FBXO40: variants seen among roughly 807,000 people sequenced by gnomAD.
FBXO40 encodes the protein F-box protein 40.
FBXO40 carries 50 observed loss-of-function variants against 49.9 expected under a neutral mutation model. The ratio of observed to expected loss-of-function variants is 1.00; its 90% CI spans 0.80 to 1.27. FBXO40 has a LOEUF of 1.27. Among genes scored for constraint, FBXO40 ranks in the 50% most tolerant of loss-of-function variants. The pLI is 0.00. For missense variants in FBXO40, 895 were observed against 870.1 expected (o/e 1.03, Z -0.36); for synonymous variants, 340 against 320.2 (o/e 1.06, Z -0.66).
intron 1 of FBXO40, among the ~76,000 whole-genome samples, chr3:121,610,029 T>C (rs989691923): frequency 6.6e-6 from 1 of 152,236 alleles, no homozygotes; most frequent in Non-Finnish European, 1.5e-5. Flanking sequence ...TGGGCCATTA[T>C]GGGTTCAGGA....
Position 121,622,941 on chromosome 3 carries a change from T to C in FBXO40, c.1512T>C (p.Asn504=), listed in dbSNP as rs184189985. 2 of 1,614,242 alleles carry C rather than the reference T, an allele frequency of 1.2e-6. No individual in the cohort carries two copies. The highest frequency in any genetic ancestry group is 1.3e-5 in the African/African-American group (1 of 75,068). ...ACACAGACATTCAGTCATGTCTCAA[T>C]GGCTGGTTCCAGCATCGATGCCCCC... ...NVHTDIQSCL[N]GWFQHRCPLA... Residue 504 remains asparagine, a synonymous_variant, in exon 3 of 4, where the codon AAT becomes AAC. Transcript: ENST00000338040.
intron 1 of FBXO40, among the ~76,000 whole-genome samples, chr3:121,617,852 T>C (rs1010113612): frequency 7.9e-5 from 12 of 151,958 alleles, no homozygotes; most frequent in Non-Finnish European, 1.2e-4. Flanking sequence ...ACACAAAAAT[T>C]AGCCAGGTGT....
At chr3:121,611,796 T>G (rs1345254668) in intron 1 of FBXO40, among the ~76,000 whole-genome samples, 4 of 152,266 alleles carry the variant, frequency 2.6e-5, no homozygotes, top group African/African-American at 7.2e-5. Flanking sequence ...CTTTCCGCAG[T>G]GCATCGTGCC....
Position 121,609,611 on chromosome 3 carries a change from C to T in FBXO40, c.-30-10935C>T, listed in dbSNP as rs147887627. ...GTGCAGAAAAATGCATCCTTATCTT[C>T]CTTTTTTCTCTCCTCAGGGGAGAGG... On this transcript the variant is annotated intron_variant, in intron 1 of 3. Transcript: ENST00000338040. Among the ~76,000 whole-genome samples, 17 of 152,246 alleles carry T rather than the reference C, an allele frequency of 1.1e-4. No individual in the cohort carries two copies. The East Asian group carries it at 2.9e-3, about 26-fold the overall frequency.
chr3:121,611,266 G>A (rs1227887236), intron 1 of FBXO40, among the ~76,000 whole-genome samples: 1 of 152,148 alleles, frequency 6.6e-6, no homozygotes, highest in East Asian at 1.9e-4. Context: ...ACCGGTCTCT[G>A]AGTTCCCTCA....
chr3:121,597,056 G>A (rs764169219), intron 1 of FBXO40, among the ~76,000 whole-genome samples: 6 of 152,072 alleles, frequency 3.9e-5, no homozygotes, highest in Non-Finnish European at 1.5e-5. Context: ...CACACACCTC[G>A]CTGGCGACAA....
At chr3:121,596,625 G>T (rs535115449) in intron 1 of FBXO40, among the ~76,000 whole-genome samples, 1 of 152,168 alleles carries the variant, frequency 6.6e-6, no homozygotes, top group Admixed American at 6.5e-5. Flanking sequence ...CGGATTCTGT[G>T]CCTGTCAAGT....
At chr3:121,619,763 T>G (rs1213712992) in intron 1 of FBXO40, among the ~76,000 whole-genome samples, 1 of 152,148 alleles carries the variant, frequency 6.6e-6, no homozygotes, top group Non-Finnish European at 1.5e-5. Flanking sequence ...TTTCCCAAAG[T>G]CTCACAGCCA....
intron 3 of FBXO40, among the ~76,000 whole-genome samples, chr3:121,623,641 A>G (rs567795436): frequency 4.0e-5 from 6 of 151,598 alleles, no homozygotes; most frequent in African/African-American, 1.5e-4. Flanking sequence ...TGCTGAAATT[A>G]CAGGTGTGAG....
chr3:121,594,748 T>C (rs2108842623), intron 1 of FBXO40, among the ~76,000 whole-genome samples: 1 of 152,284 alleles, frequency 6.6e-6, no homozygotes, highest in Middle Eastern at 3.4e-3. Flanking sequence ...CCAAAATGCA[T>C]CCATGAAATA....
In FBXO40 at chr3:121,622,988, T is replaced by C. The variant is rs752921762; in HGVS notation, c.1559T>C (p.Phe520Ser). The change falls in exon 3 of 4, where the codon TTT becomes TCT. Residue 520 changes from phenylalanine to serine, a missense_variant. Physicochemically the swap from Phe to Ser is radical, Grantham distance 155. Coordinates refer to ENST00000338040, the MANE Select transcript of FBXO40 (RefSeq NM_016298.4). ...RCPLAYLGCT[F>S]VQNHFRPPGQ... ...CCCCTCGCCTACTTGGGATGTACATTTGTTCAAAACCATTTCCGTCCCCCA... is the reference window on the plus strand; with the variant it reads ...CCCCTCGCCTACTTGGGATGTACATCTGTTCAAAACCATTTCCGTCCCCCA... 1 of 1,614,230 alleles carries C rather than the reference T, an allele frequency of 6.2e-7. No individual in the cohort carries two copies. The highest frequency in any genetic ancestry group is 2.2e-5 in the East Asian group (1 of 44,888).
intron 3 of FBXO40, among the ~76,000 whole-genome samples, chr3:121,624,297 G>C (rs534562366): frequency 2.0e-5 from 3 of 152,220 alleles, no homozygotes. Flanking sequence ...GCCTTAAAGA[G>C]CTTTTTATGT....
chr3:121,611,372 G>A (rs9815247), intron 1 of FBXO40, among the ~76,000 whole-genome samples: 8,254 of 152,236 alleles, frequency 0.054, 424 homozygotes, highest in African/African-American at 0.13. Context: ...AAACATGTGA[G>A]CAATAGAATC....
In FBXO40 at chr3:121,626,817, T is replaced by G; in HGVS notation, c.2037T>G (p.Ile679Met). Reference protein sequence around the residue: ...FNIVEHKTDPILLTSMCQPRE... With the variant: ...FNIVEHKTDPMLLTSMCQPRE... ...TTGTAGAGCACAAAACTGACCCGATTCTTTTGACTAGCATGTGTCAGCCCC... is the reference window on the plus strand; with the variant it reads ...TTGTAGAGCACAAAACTGACCCGATGCTTTTGACTAGCATGTGTCAGCCCC... The change falls in exon 4 of 4, where the codon ATT (isoleucine) becomes ATG (methionine). Residue 679 changes from isoleucine (I) to methionine (M), a missense_variant. By Grantham distance (10) the Ile-to-Met change is conservative. Transcript: ENST00000338040. The G allele has an allele frequency of 1.2e-6, 2 of 1,614,152 alleles. No homozygotes were observed. Among genetic ancestry groups the G allele is most frequent in the Non-Finnish European group, 1.7e-6 (2 of 1,180,032 alleles).
chr3:121,628,177 T>A lies in FBXO40; in HGVS notation c.*1267T>A, dbSNP rs2049073452. ...TTTTTAAATGGATAATTCTTTTTTT[T>A]TTTTTCTAGGTGGGGAGGGGATGGA... On this transcript the variant is annotated 3_prime_UTR_variant, in exon 4 of 4. Transcript: ENST00000338040. 3.3e-6 allele frequency: 1 copy of A among 306,790 alleles called. No individual in the cohort carries two copies. The highest frequency in any genetic ancestry group is 5.9e-6 in the Non-Finnish European group (1 of 168,612). 19.0% of individuals were successfully genotyped at this position (306,790 alleles called of 1,614,324 possible).
Position 121,622,920 on chromosome 3 carries a change from A to G in FBXO40, c.1491A>G (p.Thr497=). Residue 497 remains threonine, a synonymous_variant, in exon 3 of 4, where the codon ACA becomes ACG. Transcript: ENST00000338040. The part of the protein sequence containing the change: ...EFPLHFKNVH[T]DIQSCLNGWF... ...CCCTGCACTTCAAGAATGTCCACAC[A>G]GACATTCAGTCATGTCTCAATGGCT... is the stretch of plus-strand genomic sequence containing the variant. 6.2e-7 allele frequency: 1 copy of G among 1,614,224 alleles called. No individual in the cohort carries two copies. Among genetic ancestry groups the G allele is most frequent in the Non-Finnish European group, 8.5e-7 (1 of 1,180,040 alleles).
At chr3:121,597,252 AC>A (rs2048877204) in intron 1 of FBXO40, among the ~76,000 whole-genome samples, 1 of 152,158 alleles carries the variant, frequency 6.6e-6, no homozygotes, top group Non-Finnish European at 1.5e-5. Context: ...GGCCTAGGAA[AC>A]AAAGATGCCT....
At chr3:121,617,777 ATCACTTGAGGTCAGGAGT>A (rs2049006581) in intron 1 of FBXO40, among the ~76,000 whole-genome samples, 1 of 152,176 alleles carries the variant, frequency 6.6e-6, no homozygotes, top group South Asian at 2.1e-4. Context: ...AGGCAGGCGG[ATCACTTGAGGTCAGGAGT>A]TCAAGACTAG....
intron 1 of FBXO40, among the ~76,000 whole-genome samples, chr3:121,600,068 T>C (rs1428568172): frequency 6.9e-6 from 1 of 144,278 alleles, no homozygotes; most frequent in Non-Finnish European, 1.5e-5. Flanking sequence ...TCTTGCTGTG[T>C]TGCCCAGGCT....
Sources: gnomAD v4.1 joint callset for allele counts (sites outside exome capture counted in the v4.1 genomes callset) on GRCh38, gnomAD v4.1.1 for gene constraint, MANE v1.5 for transcripts, NCBI Gene and HGNC (gene_info 2026-07-23, HGNC 2026-07-21) for gene names.